SHISA6: variants seen among roughly 807,000 people sequenced by gnomAD.
SHISA6 encodes protein shisa-6.
A neutral mutation model predicts 47.9 loss-of-function variants in SHISA6; 22 were observed. The observed-to-expected ratio is 0.46, with a 90% CI of 0.33 to 0.66. SHISA6 has a LOEUF of 0.66. Among genes scored for constraint, SHISA6 ranks in the 30% least tolerant of loss-of-function variants. The pLI, the probability that SHISA6 is intolerant of heterozygous loss-of-function variation, is 0.02. For synonymous variants in SHISA6, 388 were observed against 337.8 expected, an observed-to-expected ratio of 1.15 and a Z score of -1.63; for missense variants, 680 against 764.6, an observed-to-expected ratio of 0.89 and a Z score of 1.30.
Position 11,542,925 on chromosome 17 carries a change from T to C in SHISA6, c.896-8971T>C, listed in dbSNP as rs146049479. The stretch of plus-strand genomic sequence containing the variant: ...TCAAGGGCCACTGTGTAAAGAATAG[T>C]GTCTAGGATGGAGTATGAGCACTCT... On this transcript the variant is annotated intron_variant, in intron 3 of 5. Transcript: ENST00000441885. Among the ~76,000 whole-genome samples the C allele has an allele frequency of 2.3e-3, 349 of 152,212 alleles. 2 individuals carry two copies. Among genetic ancestry groups the C allele is most frequent in the Admixed American group, 0.018 (279 of 15,286 alleles).
chr17:11,340,141 C>A (rs1367071889), intron 2 of SHISA6, among the ~76,000 whole-genome samples: 1 of 152,148 alleles, frequency 6.6e-6, no homozygotes, highest in South Asian at 2.1e-4. Context: ...TAAATATAAC[C>A]ATGTAAGCTT....
chr17:11,546,688 G>A (rs1227620205), intron 3 of SHISA6, among the ~76,000 whole-genome samples: 1 of 152,116 alleles, frequency 6.6e-6, no homozygotes, highest in Non-Finnish European at 1.5e-5. Context: ...TGGGAGGCCG[G>A]GCGGGTTGAT....
intron 3 of SHISA6, among the ~76,000 whole-genome samples, chr17:11,435,979 T>G (rs925037765): frequency 1.3e-5 from 2 of 152,184 alleles, no homozygotes; most frequent in African/African-American, 2.4e-5. Flanking sequence ...AACCAAACTG[T>G]GTTAGCATTG....
chr17:11,507,374 C>T (rs932055044), intron 3 of SHISA6, among the ~76,000 whole-genome samples: 4 of 152,150 alleles, frequency 2.6e-5, no homozygotes, highest in African/African-American at 9.7e-5. Context: ...ACCTCCCCAC[C>T]CTCCGCCCTA....
chr17:11,243,240 C>T (rs545140339), intron 1 of SHISA6, among the ~76,000 whole-genome samples: 679 of 151,762 alleles, frequency 4.5e-3, no homozygotes, highest in Non-Finnish European at 7.0e-3. Context: ...CATTAATCAC[C>T]CCTGCCTTGC....
At chr17:11,472,275 C>T (rs1005881402) in intron 3 of SHISA6, among the ~76,000 whole-genome samples, 9 of 152,140 alleles carry the variant, frequency 5.9e-5, no homozygotes, top group Admixed American at 1.3e-4. Context: ...TAGCTTACCA[C>T]GGCCTCGATC....
intron 2 of SHISA6, among the ~76,000 whole-genome samples, chr17:11,270,210 G>A (rs114915409): frequency 0.021 from 3,199 of 152,326 alleles, 71 homozygotes; most frequent in African/African-American, 0.054. Context: ...TCCTGAGCTC[G>A]TGAGCTGCTC....
chr17:11,282,670 T>C (rs143946654), intron 2 of SHISA6, among the ~76,000 whole-genome samples: 222 of 152,332 alleles, frequency 1.5e-3, no homozygotes, highest in African/African-American at 5.0e-3. Context: ...GTCCTTGTGA[T>C]AGTTTGCTGA....
chr17:11,404,680 A>G (rs139417052), intron 3 of SHISA6, among the ~76,000 whole-genome samples: 8 of 152,314 alleles, frequency 5.3e-5, no homozygotes, highest in African/African-American at 1.7e-4. Context: ...CCAAGCACAC[A>G]CAGTAATGTA....
chr17:11,263,623 G>A (rs1171417510), intron 2 of SHISA6, 97 bp downstream of exon 2: 10 of 1,432,744 alleles, frequency 7.0e-6, no homozygotes, highest in Non-Finnish European at 9.5e-6. Flanking sequence ...CCATGATGGT[G>A]TGATGAGGGA....
intron 3 of SHISA6, among the ~76,000 whole-genome samples, chr17:11,405,172 A>G (rs1913910459): frequency 6.6e-6 from 1 of 152,340 alleles, no homozygotes; most frequent in East Asian, 1.9e-4. Flanking sequence ...AGCTTCCAAG[A>G]TAATCCTGAT....
Position 11,402,506 on chromosome 17 carries a change from T to G in SHISA6, c.895+22997T>G, listed in dbSNP as rs1267764018. ...GAGAGGCATTCTCAGCCTATCAGCC[T>G]TTGTAAGGGAATACACCCTTAGGCT... On this transcript the variant is annotated intron_variant, in intron 3 of 5. Coordinates refer to ENST00000441885, the MANE Select transcript of SHISA6 (RefSeq NM_207386.4). Among the ~76,000 whole-genome samples the G allele has an allele frequency of 3.3e-5, 5 of 152,330 alleles. No individual in the cohort carries two copies. The East Asian group carries it at 9.6e-4, about 29-fold the overall frequency.
chr17:11,456,858 C>T (rs1003557902), intron 3 of SHISA6, among the ~76,000 whole-genome samples: 3 of 152,180 alleles, frequency 2.0e-5, no homozygotes, highest in Non-Finnish European at 4.4e-5. Flanking sequence ...AATAATAAGA[C>T]CCACAATTCC....
intron 3 of SHISA6, among the ~76,000 whole-genome samples, chr17:11,486,055 T>C (rs1916340660): frequency 6.7e-6 from 1 of 150,290 alleles, no homozygotes; most frequent in African/African-American, 2.5e-5. Flanking sequence ...ACAGGGGGAG[T>C]TTTTTCCTTG....
chr17:11,300,732 G>A (rs1466130040), intron 2 of SHISA6, among the ~76,000 whole-genome samples: 1 of 150,748 alleles, frequency 6.6e-6, no homozygotes. Context: ...ATAAGAGATG[G>A]CTCTAGGAAA....
At chr17:11,481,234 G>A (rs910589394) in intron 3 of SHISA6, among the ~76,000 whole-genome samples, 21 of 151,652 alleles carry the variant, frequency 1.4e-4, no homozygotes, top group African/African-American at 2.9e-4. Context: ...AGCCAAGATC[G>A]CACCACTGCA....
chr17:11,381,340 G>A (rs1913000667), intron 3 of SHISA6, among the ~76,000 whole-genome samples: 1 of 152,146 alleles, frequency 6.6e-6, no homozygotes, highest in African/African-American at 2.4e-5. Context: ...TATTTAATGA[G>A]GCCTGCTATG....
intron 3 of SHISA6, among the ~76,000 whole-genome samples, chr17:11,424,952 A>G (rs927261019): frequency 2.7e-5 from 4 of 146,892 alleles, no homozygotes; most frequent in African/African-American, 2.5e-5. Context: ...GCTTGCAGTC[A>G]GCAGAGATCG....
intron 3 of SHISA6, among the ~76,000 whole-genome samples, chr17:11,407,121 G>A (rs1913989476): frequency 6.6e-6 from 1 of 152,012 alleles, no homozygotes. Context: ...TTTTCTATGT[G>A]CCAGGCACTC....
Sources: gnomAD v4.1 joint callset for allele counts (sites outside exome capture counted in the v4.1 genomes callset) on GRCh38, gnomAD v4.1.1 for gene constraint, MANE v1.5 for transcripts, NCBI Gene and HGNC (gene_info 2026-07-23, HGNC 2026-07-21) for gene names.